The following CCDC178 variants were observed in gnomAD, a reference collection of about 807,000 sequenced individuals.
CCDC178 encodes coiled-coil domain containing 178, also known as coiled-coil domain-containing protein 178.
In CCDC178, 126 loss-of-function variants were observed where a neutral mutation model predicts 117.4. That is an observed-to-expected ratio of 1.07 (90% confidence interval 0.93 to 1.24). The LOEUF (loss-of-function observed/expected upper bound fraction) is 1.24, where lower values mean the gene tolerates loss of function less well. Among genes scored for constraint, CCDC178 ranks in the 50% most tolerant of loss-of-function variants. CCDC178 has a pLI of 0.00. For synonymous variants in CCDC178, 283 were observed against 313.4 expected (o/e 0.90, Z 1.02); for missense variants, 1,030 against 986.9 (o/e 1.04, Z -0.59).
At chr18:32,951,152 A>G (rs558709472) in intron 22 of CCDC178, among the ~76,000 whole-genome samples, 2 of 152,200 alleles carry the variant, frequency 1.3e-5, no homozygotes, top group Non-Finnish European at 2.9e-5. Context: ...GTTATTACCT[A>G]TGTTAACCTA....
chr18:33,309,215 C>T (rs2144943469), intron 11 of CCDC178, among the ~76,000 whole-genome samples: 1 of 151,412 alleles, frequency 6.6e-6, no homozygotes, highest in East Asian at 1.9e-4. Context: ...AATATTAACT[C>T]ATTCCACAAA....
At chr18:33,282,936 C>T (rs2060043805) in intron 12 of CCDC178, among the ~76,000 whole-genome samples, 1 of 152,168 alleles carries the variant, frequency 6.6e-6, no homozygotes, top group South Asian at 2.1e-4. Flanking sequence ...CAGACCTGCC[C>T]AGACCAGCAC....
chr18:33,066,153 G>A (rs1016438526), intron 21 of CCDC178, among the ~76,000 whole-genome samples: 9 of 152,160 alleles, frequency 5.9e-5, no homozygotes, highest in Middle Eastern at 3.4e-3. Flanking sequence ...GAGCCACCGC[G>A]CCTGGCCTGT....
rs62090743 is a variant in CCDC178, at chr18:32,980,326, G to C, written c.2389-5645C>G. On this transcript the variant is annotated intron_variant, in intron 21 of 22. Coordinates refer to ENST00000383096, the MANE Select transcript of CCDC178 (RefSeq NM_001105528.4). Reference sequence around the variant, plus strand: ...CGGCCGGGCGCGGTGGCTCACGCCTGTAATCCCAGCACTTTGGGAGGCCGA... The same window carrying C: ...CGGCCGGGCGCGGTGGCTCACGCCTCTAATCCCAGCACTTTGGGAGGCCGA... 4.4e-3 allele frequency among the ~76,000 whole-genome samples: 677 copies of C among 152,170 alleles called. 1 individual carries two copies. The highest frequency in any genetic ancestry group is 7.5e-3 in the Non-Finnish European group (507 of 67,988).
At chr18:33,220,594 C>A (rs1312149083) in intron 18 of CCDC178, among the ~76,000 whole-genome samples, 1 of 152,010 alleles carries the variant, frequency 6.6e-6, no homozygotes, top group Non-Finnish European at 1.5e-5. Context: ...TAAACCTCAG[C>A]TTTTAATTTA....
rs78961621 is a variant in CCDC178 at position 33,267,623 on chromosome 18, G to A, written c.1177-326C>T. Among the ~76,000 whole-genome samples the A allele has an allele frequency of 6.0e-3, 916 of 151,558 alleles. 8 individuals carry two copies. Among genetic ancestry groups the A allele is most frequent in the African/African-American group, 0.021 (879 of 41,460 alleles). ...CAAAGTGAATTATAAAATACTGAAT[G>A]TATCCTCATTAGACTCAAGAATAAG... On this transcript the variant is annotated intron_variant, in intron 12 of 22. Transcript: ENST00000383096.
At chr18:33,235,746 CT>C (rs2059418887) in intron 15 of CCDC178, among the ~76,000 whole-genome samples, 1 of 152,174 alleles carries the variant, frequency 6.6e-6, no homozygotes, top group African/African-American at 2.4e-5. Flanking sequence ...TACTTAACAA[CT>C]GGTGAAAGCT....
intron 12 of CCDC178, among the ~76,000 whole-genome samples, chr18:33,267,548 T>C (rs1389893605): frequency 2.0e-5 from 3 of 151,350 alleles, no homozygotes; most frequent in Non-Finnish European, 4.4e-5. Flanking sequence ...AAAAAACTAG[T>C]ACAAGAAAAA....
chr18:33,299,340 A>G (rs958095344), intron 11 of CCDC178, among the ~76,000 whole-genome samples: 1 of 152,168 alleles, frequency 6.6e-6, no homozygotes, highest in African/African-American at 2.4e-5. Context: ...CAGAAAGAAT[A>G]CACTTTGGGG....
At chr18:33,280,228 T>G (rs2060005133) in intron 12 of CCDC178, among the ~76,000 whole-genome samples, 1 of 152,046 alleles carries the variant, frequency 6.6e-6, no homozygotes, top group Non-Finnish European at 1.5e-5. Context: ...ATATCCAGAA[T>G]CTACAATGAA....
intron 10 of CCDC178, among the ~76,000 whole-genome samples, chr18:33,329,950 CTTTTTT>C (rs1205443998): frequency 4.7e-5 from 3 of 64,490 alleles, no homozygotes; most frequent in Non-Finnish European, 9.6e-5. Flanking sequence ...TGGTCCTGGG[CTTTTTT>C]TTTTTTTTTT....
chr18:33,127,345 G>C (rs2058019429), intron 20 of CCDC178, among the ~76,000 whole-genome samples: 8 of 152,064 alleles, frequency 5.3e-5, no homozygotes, highest in Admixed American at 5.2e-4. Flanking sequence ...GAATCTCTTA[G>C]AGTTCAGACT....
At chr18:33,247,181 C>T (rs1170442804) in intron 14 of CCDC178, among the ~76,000 whole-genome samples, 1 of 151,536 alleles carries the variant, frequency 6.6e-6, no homozygotes, top group Non-Finnish European at 1.5e-5. Flanking sequence ...TCAAAAAGGA[C>T]ACCAAAACAT....
intron 20 of CCDC178, among the ~76,000 whole-genome samples, chr18:33,164,165 T>C (rs1279014654): frequency 6.8e-6 from 1 of 147,758 alleles, no homozygotes; most frequent in African/African-American, 2.5e-5. Context: ...TGGAGTGCAA[T>C]GGTGAGATCT....
intron 15 of CCDC178, among the ~76,000 whole-genome samples, chr18:33,239,403 T>C (rs1215098791): frequency 1.3e-5 from 2 of 151,374 alleles, no homozygotes; most frequent in Non-Finnish European, 2.9e-5. Context: ...TTAAAAGATA[T>C]AGACCAACTG....
chr18:33,079,398 A>G (rs2057262293), intron 21 of CCDC178, among the ~76,000 whole-genome samples: 1 of 152,212 alleles, frequency 6.6e-6, no homozygotes, highest in Admixed American at 6.5e-5. Context: ...CACCAAAAAC[A>G]ATCATAACAA....
intron 15 of CCDC178, among the ~76,000 whole-genome samples, chr18:33,240,450 AAAT>A (rs956335543): frequency 6.6e-6 from 1 of 151,882 alleles, no homozygotes; most frequent in Non-Finnish European, 1.5e-5. Flanking sequence ...TGTTTTGAGA[AAAT>A]AAACAAAATT....
chr18:33,402,335 T>C (rs1036038816), intron 3 of CCDC178, among the ~76,000 whole-genome samples: 7 of 152,214 alleles, frequency 4.6e-5, no homozygotes, highest in Non-Finnish European at 8.8e-5. Flanking sequence ...CAGATAAATC[T>C]TGGTAAGAAC....
chr18:33,436,085 G>A (rs952351914), intron 2 of CCDC178, among the ~76,000 whole-genome samples: 1 of 151,998 alleles, frequency 6.6e-6, no homozygotes, highest in Non-Finnish European at 1.5e-5. Flanking sequence ...ATAAAGAAAA[G>A]GAATTTTGAC....
Sources: gnomAD v4.1 joint callset for allele counts (sites outside exome capture counted in the v4.1 genomes callset) on GRCh38, gnomAD v4.1.1 for gene constraint, MANE v1.5 for transcripts, NCBI Gene and HGNC (gene_info 2026-07-23, HGNC 2026-07-21) for gene names.